SCAMP4: variants seen among roughly 807,000 people sequenced by gnomAD.
The protein encoded by SCAMP4 is secretory carrier-associated membrane protein 4.
A neutral mutation model predicts 32.1 loss-of-function variants in SCAMP4; 19 were observed. The ratio of observed to expected loss-of-function variants is 0.59; its 90% CI spans 0.41 to 0.87. The LOEUF (loss-of-function observed/expected upper bound fraction) is 0.87. SCAMP4 is among the 40% of genes least tolerant of loss of function. SCAMP4 has a pLI of 0.00. For missense variants in SCAMP4, 302 were observed against 309.0 expected (o/e 0.98, Z 0.17); for synonymous variants, 152 against 132.7 (o/e 1.15, Z -1.00).
rs2014047592 is a variant in SCAMP4 at position 1,924,806 on chromosome 19, C to T, written c.*522C>T. On this transcript the variant is annotated 3_prime_UTR_variant, in exon 7 of 7. Coordinates refer to ENST00000316097, the MANE Select transcript of SCAMP4 (RefSeq NM_079834.4). ...CCTGCAGTGATAGAGGGCTTGGTGC[C>T]TAGCTGAGTCCTCGCTGTCCCCGCC... is the stretch of plus-strand genomic sequence containing the variant. 1 of 176,726 alleles carries T rather than the reference C, an allele frequency of 5.7e-6. No individual in the cohort carries two copies. 10.9% of individuals were successfully genotyped at this position (176,726 alleles called of 1,614,324 possible).
intron 1 of SCAMP4, among the ~76,000 whole-genome samples, chr19:1,911,214 C>T (rs2013427050): frequency 6.6e-6 from 1 of 151,946 alleles, no homozygotes; most frequent in African/African-American, 2.4e-5. Context: ...CTCTGTCAGC[C>T]AGGCTGGGGT....
Position 1,908,695 on chromosome 19 carries a change from C to T in SCAMP4, c.-42+3256C>T, listed in dbSNP as rs4806818. The T allele has an allele frequency of 0.5, 202,694 of 408,916 alleles. 56,083 individuals are homozygous for T. The highest frequency in any genetic ancestry group is 0.61 in the Non-Finnish European group (125,527 of 205,240). 25.3% of individuals were successfully genotyped at this position (408,916 alleles called of 1,614,324 possible). A position where few individuals can be genotyped will look rare whatever the true frequency, so the allele number is the denominator to read the frequency against. On this transcript the variant is annotated intron_variant, in intron 1 of 6. Coordinates refer to ENST00000316097, the MANE Select transcript of SCAMP4 (RefSeq NM_079834.4). The surrounding 1 kb of genome is among the most constrained non-coding windows in gnomAD (Gnocchi z 4.2). Reference sequence around the variant, plus strand: ...TTATTTGAAAAAAGGAACAGGGTCTCTCTATCTTGCCCACGTTGGTCTCAA... The same window carrying T: ...TTATTTGAAAAAAGGAACAGGGTCTTTCTATCTTGCCCACGTTGGTCTCAA...
At chr19:1,916,566 C>T (rs1182673752) in intron 2 of SCAMP4, among the ~76,000 whole-genome samples, 2 of 152,172 alleles carry the variant, frequency 1.3e-5, no homozygotes, top group Non-Finnish European at 2.9e-5. Flanking sequence ...TCAAGCGATC[C>T]TCCTGCCTCA....
intron 1 of SCAMP4, among the ~76,000 whole-genome samples, chr19:1,909,445 G>A (rs1433848619): frequency 6.6e-6 from 1 of 152,086 alleles, no homozygotes; most frequent in Middle Eastern, 3.2e-3. Context: ...ACTGCCTCAT[G>A]TCCACCTGTG....
At chr19:1,911,913 G>A (rs2013470717) in intron 1 of SCAMP4, 2 of 1,166,764 alleles carry the variant, frequency 1.7e-6, no homozygotes, top group Non-Finnish European at 2.3e-6. Flanking sequence ...ATGAGGGAGT[G>A]TAGCTCTGAT....
chr19:1,912,407 C>A lies in SCAMP4; in HGVS notation c.-41-2572C>A, dbSNP rs558381236. ...TGGCTGGGCCGGCCTCGGGCCCGCGCTCGCTGGCTGAGCTCCTGCCACGGC... is the reference window on the plus strand; with the variant it reads ...TGGCTGGGCCGGCCTCGGGCCCGCGATCGCTGGCTGAGCTCCTGCCACGGC... On this transcript the variant is annotated intron_variant, in intron 1 of 6. Coordinates refer to ENST00000316097, the MANE Select transcript of SCAMP4 (RefSeq NM_079834.4). The A allele has an allele frequency of 4.4e-4, 670 of 1,514,958 alleles. 13 individuals carry two copies. In the East Asian group the frequency reaches 0.017, roughly 38 times the overall value. The allele number at this position is 1,514,958 out of a possible 1,614,324, so 93.8% of individuals were successfully genotyped here. A position where few individuals can be genotyped will look rare whatever the true frequency, so the allele number is the denominator to read the frequency against.
In SCAMP4 at chr19:1,923,197, C is replaced by G; in HGVS notation, c.513+10C>G. ...CATCGCGATCATGAAGGTGAGTCCTCGGCTTTGTGACGTCCAGCCCTTACC... is the reference window on the plus strand; with the variant it reads ...CATCGCGATCATGAAGGTGAGTCCTGGGCTTTGTGACGTCCAGCCCTTACC... On this transcript the variant is annotated intron_variant, in intron 6 of 6. Coordinates refer to ENST00000316097, the MANE Select transcript of SCAMP4 (RefSeq NM_079834.4). 1 of 1,543,998 alleles carries G rather than the reference C, an allele frequency of 6.5e-7. No homozygotes were observed. The highest frequency in any genetic ancestry group is 8.8e-7 in the Non-Finnish European group (1 of 1,142,036).
chr19:1,917,498 T>G (rs542121575), intron 2 of SCAMP4, among the ~76,000 whole-genome samples, 196 bp from the exon 3 acceptor site: 1 of 152,188 alleles, frequency 6.6e-6, no homozygotes, highest in African/African-American at 2.4e-5. Flanking sequence ...CCCGTTTCTC[T>G]CTGACTCCCA....
intron 1 of SCAMP4, chr19:1,913,077 G>T: frequency 6.2e-7 from 1 of 1,601,464 alleles, no homozygotes. Context: ...CGCACGGCCC[G>T]ACCTCAACCA....
chr19:1,910,645 C>T (rs574106086), intron 1 of SCAMP4, among the ~76,000 whole-genome samples: 14 of 148,048 alleles, frequency 9.5e-5, no homozygotes, highest in Admixed American at 3.4e-4. Context: ...GGCACGATCT[C>T]GGCTCACTGC....
intron 4 of SCAMP4, 91 bp downstream of exon 4, chr19:1,918,374 C>A: frequency 7.5e-7 from 1 of 1,339,886 alleles, no homozygotes; most frequent in African/African-American, 1.5e-5. Context: ...GGAGCTGTCC[C>A]TTTCTCTGCC....
At chr19:1,922,478 G>T (rs142963112) in intron 5 of SCAMP4, 9 of 918,740 alleles carry the variant, frequency 9.8e-6, no homozygotes, top group Non-Finnish European at 2.6e-6. Context: ...CAAGTGATCC[G>T]CCCGCCTCGG....
Position 1,908,950 on chromosome 19 carries a change from C to T in SCAMP4, c.-42+3511C>T, listed in dbSNP as rs1270584893. Among the ~76,000 whole-genome samples, 3 of 151,978 alleles carry T rather than the reference C, an allele frequency of 2.0e-5. No homozygotes were observed. The highest frequency in any genetic ancestry group is 1.3e-4 in the Admixed American group (2 of 15,232). On this transcript the variant is annotated intron_variant, in intron 1 of 6. Transcript: ENST00000316097. The surrounding 1 kb of genome is among the most constrained non-coding windows in gnomAD (Gnocchi z 4.2). Reference sequence around the variant, plus strand: ...TGGAACCCCGTCTCTACTGAAAATACAAAAATTAGCCGGGCGTGGTGGCAT... The same window carrying T: ...TGGAACCCCGTCTCTACTGAAAATATAAAAATTAGCCGGGCGTGGTGGCAT...
chr19:1,918,106 G>A (rs774519218), intron 3 of SCAMP4, 21 bp from the exon 4 acceptor site: 11 of 1,597,762 alleles, frequency 6.9e-6, no homozygotes, highest in South Asian at 4.5e-5. Flanking sequence ...CTGCTCATCC[G>A]TCCTCCCTCT....
intron 2 of SCAMP4, among the ~76,000 whole-genome samples, chr19:1,917,269 GC>G (rs2145449575): frequency 6.6e-6 from 1 of 152,306 alleles, no homozygotes; most frequent in African/African-American, 2.4e-5. Flanking sequence ...TCGCACCACT[GC>G]CCTCTAGCCT....
intron 5 of SCAMP4, chr19:1,919,236 A>C: frequency 7.3e-7 from 1 of 1,366,554 alleles, no homozygotes; most frequent in East Asian, 2.9e-5. Flanking sequence ...TCGCCCTGGC[A>C]GTGCCTGCGT....
In SCAMP4 at chr19:1,908,701, C is replaced by T. The variant is rs1568760451; in HGVS notation, c.-42+3262C>T. The T allele has an allele frequency of 2.5e-6, 1 of 399,994 alleles. No individual in the cohort carries two copies. The highest frequency in any genetic ancestry group is 1.9e-5 in the South Asian group (1 of 53,410). The allele number at this position is 399,994 out of a possible 1,614,324, so 24.8% of individuals were successfully genotyped here. A position where few individuals can be genotyped will look rare whatever the true frequency, so the allele number is the denominator to read the frequency against. Reference sequence around the variant, plus strand: ...GAAAAAAGGAACAGGGTCTCTCTATCTTGCCCACGTTGGTCTCAAACTCCT... The same window carrying T: ...GAAAAAAGGAACAGGGTCTCTCTATTTTGCCCACGTTGGTCTCAAACTCCT... On this transcript the variant is annotated intron_variant, in intron 1 of 6. Transcript: ENST00000316097. The surrounding 1 kb of genome is among the most constrained non-coding windows in gnomAD (Gnocchi z 4.2).
chr19:1,917,471 C>T (rs1369116878), intron 2 of SCAMP4, among the ~76,000 whole-genome samples: 1 of 152,190 alleles, frequency 6.6e-6, no homozygotes, highest in Non-Finnish European at 1.5e-5. Context: ...CCCTTCACAG[C>T]CTCAGCGCAG....
intron 4 of SCAMP4, 122 bp from the exon 5 acceptor site, chr19:1,918,767 A>C (rs984222316): frequency 6.5e-5 from 93 of 1,425,680 alleles, no homozygotes; most frequent in Non-Finnish European, 8.3e-5. Flanking sequence ...ATCTCAAAAA[A>C]AAAAAAAAAG....
Sources: allele counts gnomAD v4.1 joint callset (sites outside exome capture counted in the v4.1 genomes callset), GRCh38; gene constraint gnomAD v4.1.1; non-coding constraint Gnocchi (gnomAD v3.1); transcripts MANE v1.5; gene names NCBI Gene and HGNC (gene_info 2026-07-23, HGNC 2026-07-21).